The following FAM135A variants were observed in gnomAD, a reference collection of about 807,000 sequenced individuals.
FAM135A encodes family with sequence similarity 135 member A.
A neutral mutation model predicts 146.8 loss-of-function variants in FAM135A; 79 were observed. The ratio of observed to expected loss-of-function variants is 0.54; its 90% confidence interval spans 0.45 to 0.65. The LOEUF (loss-of-function observed/expected upper bound fraction) is 0.65. Among genes scored for constraint, FAM135A ranks in the 30% least tolerant of loss-of-function variants. FAM135A has a pLI of 0.00. For missense variants in FAM135A, 1,623 were observed against 1,758.2 expected (o/e 0.92, Z 1.38); for synonymous variants, 562 against 603.6 (o/e 0.93, Z 1.01).
Position 70,524,053 on chromosome 6 carries a change from A to T in FAM135A, c.1190A>T (p.Glu397Val). Residue 397 changes from glutamate (E) to valine (V), a missense_variant, in exon 14 of 22, where the codon GAA becomes GTA. By Grantham distance (121) the Glu-to-Val change is moderately radical (BLOSUM62 -2). Coordinates refer to ENST00000418814, the MANE Select transcript of FAM135A (RefSeq NM_001162529.3). Reference sequence around the variant, plus strand: ...CCACCCTTACCTATTGAATGTAGTGAATTAGATGGAGATCTCAATTCATTA... The same window carrying T: ...CCACCCTTACCTATTGAATGTAGTGTATTAGATGGAGATCTCAATTCATTA... Reference protein sequence around the residue: ...SLPPLPIECSELDGDLNSLPI... With the variant: ...SLPPLPIECSVLDGDLNSLPI... The T allele has an allele frequency of 1.2e-6, 2 of 1,612,934 alleles. No individual in the cohort carries two copies.
chr6:70,483,489 T>C (rs975151371), intron 10 of FAM135A, among the ~76,000 whole-genome samples: 3 of 152,202 alleles, frequency 2.0e-5, no homozygotes, highest in African/African-American at 7.2e-5. Context: ...TTAGAATTCC[T>C]GTTTCCCTTA....
intron 5 of FAM135A, among the ~76,000 whole-genome samples, chr6:70,473,453 A>G (rs757858774): frequency 6.6e-6 from 1 of 152,204 alleles, no homozygotes; most frequent in Non-Finnish European, 1.5e-5. Flanking sequence ...TGAAAACCAT[A>G]AGTTCATATC....
At chr6:70,450,769 C>CTCACTCTG (rs1197079830) in intron 4 of FAM135A, among the ~76,000 whole-genome samples, 1 of 87,030 alleles carries the variant, frequency 1.1e-5, no homozygotes, top group Non-Finnish European at 2.2e-5. Context: ...GAGTCAGAGT[C>CTCACTCTG]TCACTCTGTC....
rs552549720 is a variant in FAM135A, at chr6:70,414,018, G to A, written c.-220+316G>A. On this transcript the variant is annotated intron_variant, in intron 1 of 21. Coordinates refer to ENST00000418814, the MANE Select transcript of FAM135A (RefSeq NM_001162529.3). Reference sequence around the variant, plus strand: ...CCTGAACCTCGCGCCTAGCGTGTTTGCCCTTCACCCCTGCTCCATCTTCGT... The same window carrying A: ...CCTGAACCTCGCGCCTAGCGTGTTTACCCTTCACCCCTGCTCCATCTTCGT... The A allele has an allele frequency of 1.2e-5, 12 of 985,718 alleles. No homozygotes were observed. In the South Asian group the frequency reaches 4.2e-4, roughly 35 times the overall value. The allele number at this position is 985,718 out of a possible 1,614,324, so 61.1% of individuals were successfully genotyped here.
Position 70,415,629 on chromosome 6 carries a change from C to A in FAM135A, c.-134+253C>A, listed in dbSNP as rs545287425. The stretch of plus-strand genomic sequence containing the variant: ...TGCTTCTCAAGGAAGCTTGCACTTC[C>A]TTCAAATAAAAAGCCAGGTCTTTTT... On this transcript the variant is annotated intron_variant, in intron 2 of 21. Coordinates refer to ENST00000418814, the MANE Select transcript of FAM135A (RefSeq NM_001162529.3). Among the ~76,000 whole-genome samples, 85 of 152,154 alleles carry A rather than the reference C, an allele frequency of 5.6e-4. 1 individual carries two copies. Among genetic ancestry groups the A allele is most frequent in the Middle Eastern group, 3.4e-3 (1 of 294 alleles).
intron 4 of FAM135A, among the ~76,000 whole-genome samples, chr6:70,441,258 C>G (rs911314146): frequency 6.6e-6 from 1 of 151,608 alleles, no homozygotes. Context: ...GCCGGTGGCA[C>G]GCACCTATAA....
chr6:70,467,697 C>T (rs1475339795), intron 5 of FAM135A, among the ~76,000 whole-genome samples: 4 of 151,900 alleles, frequency 2.6e-5, no homozygotes, highest in Admixed American at 2.6e-4. Context: ...CTCTCTCCCA[C>T]TCCCTTTCTC....
At chr6:70,493,454 A>G (rs1786507855) in intron 11 of FAM135A, among the ~76,000 whole-genome samples, 1 of 152,202 alleles carries the variant, frequency 6.6e-6, no homozygotes, top group Non-Finnish European at 1.5e-5. Flanking sequence ...TTTTAGATAT[A>G]CATATTTAAA....
chr6:70,415,868 T>C (rs1165109541), intron 2 of FAM135A, among the ~76,000 whole-genome samples: 1 of 152,150 alleles, frequency 6.6e-6, no homozygotes, highest in Non-Finnish European at 1.5e-5. Flanking sequence ...TCTCAGTATC[T>C]CCAGCTGTAA....
rs760555481 is a variant in FAM135A at position 70,538,348 on chromosome 6, G to A, written c.4175G>A (p.Arg1392Gln). 4 of 1,532,746 alleles carry A rather than the reference G, an allele frequency of 2.6e-6. No individual in the cohort carries two copies. The highest frequency in any genetic ancestry group is 1.9e-5 in the Admixed American group (1 of 53,732). 94.9% of individuals were successfully genotyped at this position (1,532,746 alleles called of 1,614,324 possible). The change falls in exon 20 of 22, where the codon CGA becomes CAA. Residue 1392 changes from arginine (R) to glutamine (Q), a missense_variant. This residue lies in a region of FAM135A where 138 missense variants were observed against 174.1 expected (regional missense o/e 0.79). Transcript: ENST00000418814. ...KSGSLLQLTC[R>Q]DHSDPRQTFL... ...GGTTCGCTTTTGCAGCTGACATGTC[G>A]AGATCACTCAGACCCTCGCCAAACT... is the stretch of plus-strand genomic sequence containing the variant.
chr6:70,421,174 A>G (rs1052113536), intron 2 of FAM135A, among the ~76,000 whole-genome samples: 3 of 152,054 alleles, frequency 2.0e-5, no homozygotes, highest in Non-Finnish European at 2.9e-5. Flanking sequence ...GTGAGCCACC[A>G]CGCCTGGCCC....
chr6:70,427,560 G>A (rs1249042467), intron 3 of FAM135A, among the ~76,000 whole-genome samples: 4 of 151,084 alleles, frequency 2.6e-5, no homozygotes, highest in Non-Finnish European at 3.0e-5. Context: ...AATTAATATT[G>A]TAAAACTACA....
At chr6:70,451,250 A>T (rs150572169) in intron 4 of FAM135A, among the ~76,000 whole-genome samples, 5 of 152,350 alleles carry the variant, frequency 3.3e-5, no homozygotes, top group Non-Finnish European at 5.9e-5. Context: ...TATGAATAAG[A>T]CATGGTCTCT....
intron 4 of FAM135A, among the ~76,000 whole-genome samples, chr6:70,438,815 A>G (rs77691649): frequency 0.2 from 30,721 of 152,114 alleles, 3,407 homozygotes; most frequent in African/African-American, 0.29. Flanking sequence ...TTTTGCTGCT[A>G]CACCTCAAAC....
At chr6:70,544,268 G>A (rs1379829820) in intron 20 of FAM135A, among the ~76,000 whole-genome samples, 2 of 152,098 alleles carry the variant, frequency 1.3e-5, no homozygotes, top group Admixed American at 1.3e-4. Flanking sequence ...ACTGGGCATG[G>A]TGGCTCACGC....
intron 2 of FAM135A, among the ~76,000 whole-genome samples, chr6:70,421,258 A>G (rs1221893770): frequency 1.3e-5 from 2 of 152,280 alleles, no homozygotes; most frequent in South Asian, 2.1e-4. Flanking sequence ...TGATAAAGCT[A>G]TGTTTAATGG....
At chr6:70,530,991 A>G (rs1795700001) in intron 16 of FAM135A, among the ~76,000 whole-genome samples, 1 of 152,174 alleles carries the variant, frequency 6.6e-6, no homozygotes, top group Non-Finnish European at 1.5e-5. Context: ...TTTTTAAGAT[A>G]AGAAAACAAA....
intron 4 of FAM135A, among the ~76,000 whole-genome samples, chr6:70,430,247 G>T (rs1415438723): frequency 6.6e-6 from 1 of 151,994 alleles, no homozygotes; most frequent in Non-Finnish European, 1.5e-5. Context: ...TGAGGCAGAA[G>T]AATTGCTTGA....
In FAM135A at chr6:70,525,728, T is replaced by C; in HGVS notation, c.2644T>C (p.Cys882Arg). 6.2e-7 allele frequency: 1 copy of C among 1,613,254 alleles called. No individual in the cohort carries two copies. Among genetic ancestry groups the C allele is most frequent in the African/African-American group, 1.3e-5 (1 of 75,048 alleles). Residue 882 changes from cysteine to arginine, a missense_variant, in exon 15 of 22, where the codon TGT becomes CGT. Coordinates refer to ENST00000418814, the MANE Select transcript of FAM135A (RefSeq NM_001162529.3). ...TCTAGGAACGACTGATTTGCCAAAA[T>C]GTGATGATACTAAAAAGTCAAGTAT... ...LNLGTTDLPK[C>R]DDTKKSSITL...
Sources: gnomAD v4.1 joint callset for allele counts (sites outside exome capture counted in the v4.1 genomes callset) on GRCh38, gnomAD v4.1.1 for gene constraint, gnomAD v4.1.1 regional missense constraint, MANE v1.5 for transcripts, NCBI Gene and HGNC (gene_info 2026-07-23, HGNC 2026-07-21) for gene names.